Variants in DAB1 observed in about 807,000 individuals in gnomAD.
DAB1 encodes DAB adaptor protein 1, also known as disabled homolog 1.
A neutral mutation model predicts 64.6 loss-of-function variants in DAB1; 15 were observed. The ratio of observed to expected loss-of-function variants is 0.23; its 90% CI spans 0.16 to 0.36. The LOEUF (loss-of-function observed/expected upper bound fraction) is 0.36, where lower values mean the gene tolerates loss of function less well. DAB1 is among the 10% of genes least tolerant of loss of function. The probability of loss-of-function intolerance (pLI) is 1.00; values close to 1 mark genes in which losing one functional copy is unlikely to be tolerated. For missense variants in DAB1, 596 were observed against 706.7 expected, an observed-to-expected ratio of 0.84 and a Z score of 1.78; for synonymous variants, 235 against 251.9, an observed-to-expected ratio of 0.93 and a Z score of 0.64.
At chr1:57,355,084 A>G (rs1558226428) in intron 1 of DAB1, among the ~76,000 whole-genome samples, 1 of 152,052 alleles carries the variant, frequency 6.6e-6, no homozygotes, top group East Asian at 1.9e-4. Context: ...AAACAACTAC[A>G]CGTTCTTTTG....
At chr1:57,125,543 G>A (rs1477565604) in intron 4 of DAB1, among the ~76,000 whole-genome samples, 1 of 152,092 alleles carries the variant, frequency 6.6e-6, no homozygotes, top group African/African-American at 2.4e-5. Flanking sequence ...ATATCTACAT[G>A]TACATGAAAG....
intron 5 of DAB1, among the ~76,000 whole-genome samples, chr1:58,122,858 T>G (rs1445112538): frequency 5.3e-5 from 8 of 152,080 alleles, no homozygotes; most frequent in Admixed American, 2.6e-4. Context: ...ATTGTACCAG[T>G]TATTGCACTA....
Position 58,319,211 on chromosome 1 carries a change from A to G in DAB1, n.309+24141T>C, listed in dbSNP as rs569338192. ...AGGCCTTTTGAACATGGGTGTCTGA[A>G]TTCCCCCCTCAAAAATTTGCAAAGG... On this transcript the variant is annotated intron_variant and non_coding_transcript_variant, in intron 4 of 20. Transcript: ENST00000485760. Among the ~76,000 whole-genome samples, 48 of 152,224 alleles carry G rather than the reference A, an allele frequency of 3.2e-4. No homozygotes were observed. The South Asian group carries it at 1.0e-2, about 32-fold the overall frequency.
intron 7 of DAB1, among the ~76,000 whole-genome samples, chr1:57,474,509 A>C (rs901210496): frequency 6.6e-6 from 1 of 152,224 alleles, no homozygotes; most frequent in African/African-American, 2.4e-5. Context: ...TATGATTTAC[A>C]TTTCCTGTAG....
intron 3 of DAB1, among the ~76,000 whole-genome samples, chr1:58,388,924 C>T (rs1224949416): frequency 6.6e-6 from 1 of 152,142 alleles, no homozygotes; most frequent in South Asian, 2.1e-4. Context: ...AATAGGATCC[C>T]AATTGCAAAA....
At chr1:57,412,249 T>C (rs1684170478) in intron 1 of DAB1, among the ~76,000 whole-genome samples, 1 of 152,196 alleles carries the variant, frequency 6.6e-6, no homozygotes, top group Non-Finnish European at 1.5e-5. Flanking sequence ...CCCAATTCAC[T>C]GAGACACAGC....
chr1:57,294,659 G>T (rs186955641), intron 1 of DAB1, among the ~76,000 whole-genome samples: 184 of 152,136 alleles, frequency 1.2e-3, no homozygotes, highest in African/African-American at 4.1e-3. Context: ...GGCATTATTT[G>T]ATACAATTCA....
chr1:58,416,613 TA>T (rs1644723900), intron 3 of DAB1, among the ~76,000 whole-genome samples: 2 of 152,362 alleles, frequency 1.3e-5, no homozygotes, highest in Admixed American at 1.3e-4. Context: ...TTAAAACTAA[TA>T]CTCAAGTTGG....
rs1570757751 is a variant in DAB1, at chr1:57,136,609, T to C, written c.240A>G (p.Glu80=). ...GVVAGARSKG[E]HKQKIFLTIS... is the part of the protein sequence containing the mutation. ...TGGTTAAAAAGATTTTCTGTTTGTG[T>C]TCTCCTTTGGAACGAGCGCCAGCAA... Residue 80 remains glutamate (E), a synonymous_variant, in exon 4 of 15, where the codon GAA becomes GAG. Transcript: ENST00000371236. 1 of 1,549,362 alleles carries C rather than the reference T, an allele frequency of 6.5e-7. No homozygotes were observed. The highest frequency in any genetic ancestry group is 1.4e-5 in the African/African-American group (1 of 73,860).
At chr1:57,162,217 G>A (rs1185473264) in intron 2 of DAB1, among the ~76,000 whole-genome samples, 1 of 152,184 alleles carries the variant, frequency 6.6e-6, no homozygotes, top group East Asian at 1.9e-4. Flanking sequence ...ATAGACAAAT[G>A]TGTGAAAACA....
chr1:57,756,650 A>C (rs2101811165), intron 6 of DAB1, among the ~76,000 whole-genome samples: 1 of 151,996 alleles, frequency 6.6e-6, no homozygotes, highest in East Asian at 1.9e-4. Context: ...TCCAGTTATG[A>C]GGCCACTTCC....
intron 4 of DAB1, among the ~76,000 whole-genome samples, chr1:58,175,785 A>T (rs1473404244): frequency 1.3e-5 from 2 of 152,226 alleles, no homozygotes; most frequent in East Asian, 3.8e-4. Flanking sequence ...CCTTCCAGCT[A>T]ATAATGGCAG....
At chr1:57,619,043 G>T (rs12090770) in intron 7 of DAB1, among the ~76,000 whole-genome samples, 3 of 152,196 alleles carry the variant, frequency 2.0e-5, no homozygotes, top group Non-Finnish European at 4.4e-5. Context: ...AGTATGTTAC[G>T]TAGGTGTTTC....
intron 1 of DAB1, among the ~76,000 whole-genome samples, chr1:57,299,769 G>T (rs953518548): frequency 6.6e-6 from 1 of 152,230 alleles, no homozygotes; most frequent in African/African-American, 2.4e-5. Flanking sequence ...AAGGGGCTGG[G>T]CTGGAAGCCT....
intron 11 of DAB1, among the ~76,000 whole-genome samples, chr1:57,021,211 C>T (rs1460116350): frequency 6.6e-6 from 1 of 152,088 alleles, no homozygotes; most frequent in Admixed American, 6.5e-5. Flanking sequence ...ATTTTAGCAG[C>T]TAAAGAAAGG....
intron 14 of DAB1, among the ~76,000 whole-genome samples, chr1:57,001,393 C>G (rs989410956): frequency 2.6e-5 from 4 of 152,164 alleles, no homozygotes; most frequent in African/African-American, 9.7e-5. Flanking sequence ...GTCAAAGCAC[C>G]TTCGCCGGGC....
At chr1:58,136,532 A>ATAACATG (rs1227486063) in intron 5 of DAB1, among the ~76,000 whole-genome samples, 8 of 152,318 alleles carry the variant, frequency 5.3e-5, no homozygotes, top group African/African-American at 1.7e-4. Flanking sequence ...TGCGAGATTT[A>ATAACATG]TAACATGCAA....
chr1:57,695,291 AGAGAGAAG>A (rs1349265014), intron 6 of DAB1, among the ~76,000 whole-genome samples: 12 of 122,070 alleles, frequency 9.8e-5, no homozygotes, highest in African/African-American at 2.7e-4. Flanking sequence ...GAAGAAAGGG[AGAGAGAAG>A]GAAAGAAAGA....
At position 58,538,883 on chromosome 1, in the gene DAB1, T is replaced by C. The variant is rs752796287; in HGVS notation, n.32+7820A>G. ...GGAGCAGCTTGAAACCGTGGAGAAG[T>C]ATGGAAATTCCTAATAGCTCTTATG... On this transcript the variant is annotated intron_variant and non_coding_transcript_variant, in intron 1 of 20. Transcript: ENST00000485760. 24 of 872,714 alleles carry C rather than the reference T, an allele frequency of 2.8e-5. No homozygotes were observed. The African/African-American group carries it at 2.8e-4, about 10-fold the overall frequency. The allele number at this position is 872,714 out of a possible 1,614,324, so 54.1% of individuals were successfully genotyped here. A position where few individuals can be genotyped will look rare whatever the true frequency, so the allele number is the denominator to read the frequency against.
Sources: allele counts gnomAD v4.1 joint callset (sites outside exome capture counted in the v4.1 genomes callset), GRCh38; gene constraint gnomAD v4.1.1; transcripts MANE v1.5; gene names NCBI Gene and HGNC (gene_info 2026-07-23, HGNC 2026-07-21).